Variants in FAT3 observed in about 807,000 individuals in gnomAD.
FAT3 encodes protocadherin Fat 3.
FAT3 carries 95 observed loss-of-function variants against 310.2 expected under a neutral mutation model. That is an observed-to-expected ratio of 0.31 (90% CI 0.26 to 0.36). The LOEUF (loss-of-function observed/expected upper bound fraction) is 0.36, where lower values mean the gene tolerates loss of function less well. Ranked by LOEUF, FAT3 falls within the 10% of genes least tolerant of loss-of-function variation. The probability of loss-of-function intolerance (pLI) is 1.00; values close to 1 mark genes in which losing one functional copy is unlikely to be tolerated. For missense variants in FAT3, 5,408 were observed against 5,715.6 expected (o/e 0.95, Z 1.74); for synonymous variants, 2,314 against 2,192.9 (o/e 1.06, Z -1.54).
At position 92,891,004 on chromosome 11, in the gene FAT3, GC is replaced by G; in HGVS notation, c.13662del (p.Phe4555LeufsTer6). ...TSSSDVSANC[G>X]FDDSEVAMSD... is the part of the protein sequence containing the mutation. ...TCCTCGGATGTGTCTGCCAACTGCGGCTTTGACGATTCCGAAGTAGCCATGA... is the reference window on the plus strand; with the variant it reads ...TCCTCGGATGTGTCTGCCAACTGCGGTTTGACGATTCCGAAGTAGCCATGA... On this transcript the variant is annotated frameshift_variant, in exon 28 of 28. Coordinates refer to ENST00000525166, the MANE Select transcript of FAT3 (RefSeq NM_001367949.2). LOFTEE classifies it high-confidence loss of function. 6.2e-7 allele frequency: 1 copy of G among 1,613,950 alleles called. No individual in the cohort carries two copies. The highest frequency in any genetic ancestry group is 8.5e-7 in the Non-Finnish European group (1 of 1,179,868).
chr11:92,667,201 G>A (rs909822257), intron 3 of FAT3, among the ~76,000 whole-genome samples: 3 of 152,174 alleles, frequency 2.0e-5, no homozygotes, highest in African/African-American at 7.2e-5. Flanking sequence ...CTACACATGT[G>A]CATTTAATTC....
At chr11:92,455,499 T>C (rs1238238347) in intron 2 of FAT3, among the ~76,000 whole-genome samples, 2 of 152,188 alleles carry the variant, frequency 1.3e-5, no homozygotes, top group Non-Finnish European at 2.9e-5. Context: ...GGTAGTGATC[T>C]GGGCAATCAA....
chr11:92,294,467 G>A (rs1169158267), intron 1 of FAT3, among the ~76,000 whole-genome samples: 1 of 151,986 alleles, frequency 6.6e-6, no homozygotes, highest in East Asian at 1.9e-4. Context: ...CTACAGAGAT[G>A]AGCCATTGCC....
intron 2 of FAT3, among the ~76,000 whole-genome samples, chr11:92,356,131 C>G (rs1253014207): frequency 6.6e-6 from 1 of 152,260 alleles, no homozygotes; most frequent in East Asian, 1.9e-4. Flanking sequence ...TTCATAGATA[C>G]AGATACAGGT....
At chr11:92,379,137 A>G (rs1949427439) in intron 2 of FAT3, among the ~76,000 whole-genome samples, 1 of 152,094 alleles carries the variant, frequency 6.6e-6, no homozygotes. Context: ...AACCTCTTTA[A>G]AAATATTCTG....
chr11:92,505,454 G>C (rs774674221), intron 2 of FAT3, among the ~76,000 whole-genome samples: 4 of 152,158 alleles, frequency 2.6e-5, no homozygotes, highest in Non-Finnish European at 5.9e-5. Context: ...AGCTGAAAGT[G>C]CCAGTGTGGT....
intron 3 of FAT3, among the ~76,000 whole-genome samples, chr11:92,614,201 C>G (rs1395555865): frequency 1.3e-5 from 2 of 152,016 alleles, no homozygotes; most frequent in African/African-American, 4.8e-5. Context: ...AATAATACTG[C>G]TATGAACATT....
chr11:92,298,469 G>A (rs1946905743), intron 1 of FAT3, among the ~76,000 whole-genome samples: 1 of 151,942 alleles, frequency 6.6e-6, no homozygotes, highest in African/African-American at 2.4e-5. Context: ...ATGTGTCTTA[G>A]CTTTCTAGTT....
intron 3 of FAT3, among the ~76,000 whole-genome samples, chr11:92,623,964 C>T (rs547313166): frequency 3.3e-5 from 5 of 152,002 alleles, no homozygotes; most frequent in African/African-American, 1.2e-4. Flanking sequence ...AAATTAAAAT[C>T]GCTTACCCCG....
chr11:92,781,013 A>T (rs1336891738), intron 7 of FAT3, among the ~76,000 whole-genome samples: 1 of 151,644 alleles, frequency 6.6e-6, no homozygotes, highest in Admixed American at 6.6e-5. Flanking sequence ...GTAATATATG[A>T]TACCTGGTAT....
At chr11:92,378,308 G>T (rs1243722813) in intron 2 of FAT3, among the ~76,000 whole-genome samples, 4 of 152,092 alleles carry the variant, frequency 2.6e-5, no homozygotes, top group Non-Finnish European at 5.9e-5. Flanking sequence ...CTTGGCCAGT[G>T]GTTAGGCTCA....
At chr11:92,670,071 T>G (rs1448824104) in intron 3 of FAT3, among the ~76,000 whole-genome samples, 1 of 152,172 alleles carries the variant, frequency 6.6e-6, no homozygotes, top group Non-Finnish European at 1.5e-5. Flanking sequence ...CACAGTGGTG[T>G]TTTCTGGCTA....
intron 23 of FAT3, among the ~76,000 whole-genome samples, chr11:92,882,185 A>G (rs1357173159): frequency 6.6e-6 from 1 of 151,708 alleles, no homozygotes; most frequent in Non-Finnish European, 1.5e-5. Context: ...GGCTCTTTCT[A>G]CTCTTTATTT....
rs1949986743 is a variant in FAT3, at chr11:92,894,623, A to G, written c.*3510A>G. The G allele has an allele frequency of 6.6e-6, 1 of 152,248 alleles. No individual in the cohort carries two copies. The highest frequency in any genetic ancestry group is 2.1e-4 in the South Asian group (1 of 4,830). The allele number at this position is 152,248 out of a possible 1,614,324, so 9.4% of individuals were successfully genotyped here. On this transcript the variant is annotated 3_prime_UTR_variant, in exon 28 of 28. Transcript: ENST00000525166. ...TAAGCAAGAACTTGGGAGTAATAAA[A>G]GGTGAATAAAATGCATGCTTCATTT...
chr11:92,859,210 G>T lies in FAT3; in HGVS notation c.11546G>T (p.Arg3849Leu), dbSNP rs375687974. The change falls in exon 21 of 28, where the codon CGG (arginine) becomes CTG (leucine). Residue 3849 changes from arginine to leucine, a missense_variant. Transcript: ENST00000525166. ...SFAGNSYIKY[R>L]LSENSKEEDF... ...GCTGGAAACAGTTACATCAAATATC[G>T]GCTTTCTGAAAATAGCAAAGAAGAG... The T allele has an allele frequency of 6.2e-7, 1 of 1,613,662 alleles. No homozygotes were observed. Among genetic ancestry groups the T allele is most frequent in the East Asian group, 2.2e-5 (1 of 44,866 alleles).
intron 3 of FAT3, among the ~76,000 whole-genome samples, chr11:92,580,446 C>A (rs1310842559): frequency 6.6e-6 from 1 of 152,042 alleles, no homozygotes; most frequent in Non-Finnish European, 1.5e-5. Flanking sequence ...CTTTCCTCAC[C>A]CACAATTTGG....
chr11:92,306,551 G>GTTATATATATTTATATTATATA (rs1565214484), intron 1 of FAT3, among the ~76,000 whole-genome samples: 10 of 108,198 alleles, frequency 9.2e-5, no homozygotes, highest in Non-Finnish European at 1.4e-4. Context: ...TATTATATAT[G>GTTATATATATTTATATTATATA]TTATATATAT....
intron 4 of FAT3, among the ~76,000 whole-genome samples, chr11:92,702,226 G>A (rs909167798): frequency 1.3e-5 from 2 of 152,154 alleles, no homozygotes; most frequent in Non-Finnish European, 1.5e-5. Flanking sequence ...AGCATGGAAT[G>A]TCTTAGTCAT....
Position 92,552,438 on chromosome 11 carries a change from A to T in FAT3, c.3607+27490A>T, listed in dbSNP as rs986408140. Among the ~76,000 whole-genome samples the T allele has an allele frequency of 4.6e-5, 7 of 152,304 alleles. 1 individual carries two copies. The highest frequency in any genetic ancestry group is 3.9e-4 in the Admixed American group (6 of 15,300). ...ATACAAGCTCACTTTTCAAAATCTT[A>T]TAGAGAAAGAAACAAAAAATATTCT... On this transcript the variant is annotated intron_variant, in intron 3 of 27. Transcript: ENST00000525166.
Sources: gnomAD v4.1 joint callset for allele counts (sites outside exome capture counted in the v4.1 genomes callset) on GRCh38, gnomAD v4.1.1 for gene constraint, MANE v1.5 for transcripts, NCBI Gene and HGNC (gene_info 2026-07-23, HGNC 2026-07-21) for gene names.